Variants in EVL observed in about 807,000 individuals in gnomAD.
EVL encodes the protein Enah/Vasp-like.
In EVL, 21 loss-of-function variants were observed where a neutral mutation model predicts 59.6. The observed-to-expected ratio is 0.35, with a 90% CI of 0.25 to 0.51. EVL has a LOEUF of 0.51. Among genes scored for constraint, EVL ranks in the 20% least tolerant of loss-of-function variants. EVL has a pLI of 0.97. For missense variants in EVL, 462 were observed against 546.6 expected, an observed-to-expected ratio of 0.85 and a Z score of 1.54; for synonymous variants, 198 against 203.5, an observed-to-expected ratio of 0.97 and a Z score of 0.23.
intron 1 of EVL, among the ~76,000 whole-genome samples, chr14:100,081,552 C>T (rs1318329067): frequency 1.4e-5 from 2 of 143,644 alleles, no homozygotes; most frequent in Non-Finnish European, 3.0e-5. Context: ...GCTATAATTA[C>T]AAGAAGAAAA....
Position 100,144,108 on chromosome 14 carries a change from G to C in EVL, c.*370G>C, listed in dbSNP as rs1302544572. The C allele has an allele frequency of 3.1e-6, 1 of 323,884 alleles. No individual in the cohort carries two copies. Among genetic ancestry groups the C allele is most frequent in the African/African-American group, 2.2e-5 (1 of 46,272 alleles). 20.1% of individuals were successfully genotyped at this position (323,884 alleles called of 1,614,324 possible). ...TCAGCTGGCGGTGACAGCCGGCCCA[G>C]CGTGGCGCCACCACACACCGCAGAG... On this transcript the variant is annotated 3_prime_UTR_variant, in exon 14 of 14. Coordinates refer to ENST00000392920, the MANE Select transcript of EVL (RefSeq NM_016337.3).
chr14:100,068,375 T>C (rs568869765), intron 1 of EVL, among the ~76,000 whole-genome samples: 14 of 152,314 alleles, frequency 9.2e-5, no homozygotes, highest in South Asian at 2.1e-4. Flanking sequence ...CGGCAAAGCC[T>C]GCGAGCTGTG....
intron 1 of EVL, among the ~76,000 whole-genome samples, chr14:100,031,059 G>A (rs982452224): frequency 5.9e-5 from 9 of 152,160 alleles, no homozygotes; most frequent in South Asian, 2.1e-4. Context: ...TTGTAGCTAT[G>A]ATGTGATACA....
intron 1 of EVL, chr14:100,019,783 A>C (rs949958054): frequency 3.3e-6 from 4 of 1,218,664 alleles, no homozygotes. Flanking sequence ...GCTGGTTCTC[A>C]CAAAAAAAAC....
intron 5 of EVL, 115 bp downstream of exon 5, chr14:100,126,886 T>A: frequency 1.0e-6 from 1 of 974,460 alleles, no homozygotes; most frequent in South Asian, 1.5e-5. Flanking sequence ...ATGGGGAGCC[T>A]AGGTCTCAAA....
intron 1 of EVL, among the ~76,000 whole-genome samples, chr14:100,053,424 G>A (rs987440811): frequency 1.4e-5 from 2 of 141,716 alleles, no homozygotes; most frequent in Admixed American, 7.4e-5. Flanking sequence ...CTTTATCGTC[G>A]TTTTAAAATT....
intron 1 of EVL, among the ~76,000 whole-genome samples, chr14:100,010,305 G>A (rs1488638824): frequency 6.6e-6 from 1 of 152,212 alleles, no homozygotes; most frequent in Non-Finnish European, 1.5e-5. Flanking sequence ...AGAATTTATG[G>A]TTTGTAGGGC....
chr14:100,063,946 C>T (rs1425104435), upstream of EVL, among the ~76,000 whole-genome samples: 1 of 152,054 alleles, frequency 6.6e-6, no homozygotes, highest in Non-Finnish European at 1.5e-5. Flanking sequence ...TAGGAAAACA[C>T]CAAATATTTC....
chr14:100,009,634 G>A (rs893985521), intron 1 of EVL, among the ~76,000 whole-genome samples: 3 of 152,058 alleles, frequency 2.0e-5, no homozygotes, highest in African/African-American at 7.2e-5. Flanking sequence ...TTTTGACTTC[G>A]TATTGTTGTT....
intron 1 of EVL, among the ~76,000 whole-genome samples, chr14:100,027,494 T>G (rs7148533): frequency 1.3e-5 from 2 of 152,178 alleles, no homozygotes; most frequent in Non-Finnish European, 2.9e-5. Flanking sequence ...TTAGTGAGAA[T>G]ATGTAGTATT....
At chr14:99,981,692 T>A (rs2060807371) in intron 1 of EVL, among the ~76,000 whole-genome samples, 1 of 152,220 alleles carries the variant, frequency 6.6e-6, no homozygotes, top group Non-Finnish European at 1.5e-5. Flanking sequence ...CACTATACCA[T>A]AGTCTGTTAA....
At chr14:99,978,850 T>C (rs1595537621) in intron 1 of EVL, among the ~76,000 whole-genome samples, 1 of 152,228 alleles carries the variant, frequency 6.6e-6, no homozygotes, top group Admixed American at 6.5e-5. Context: ...GTGTTCCTTT[T>C]GGAGCATCTC....
chr14:100,118,674 C>T (rs1038299196), intron 3 of EVL, among the ~76,000 whole-genome samples: 3 of 152,210 alleles, frequency 2.0e-5, no homozygotes, highest in Non-Finnish European at 4.4e-5. Context: ...TGCCCTGAGT[C>T]TGTCAGCTCC....
chr14:100,100,784 CAAA>C (rs60820079), intron 3 of EVL, among the ~76,000 whole-genome samples: 6 of 47,682 alleles, frequency 1.3e-4, no homozygotes, highest in Non-Finnish European at 2.0e-4. Flanking sequence ...GAGTCTGTCT[CAAA>C]AAAAAAAAAA....
At chr14:100,038,756 T>C (rs1347094604) in intron 1 of EVL, among the ~76,000 whole-genome samples, 1 of 107,562 alleles carries the variant, frequency 9.3e-6, no homozygotes, top group Non-Finnish European at 2.3e-5. Flanking sequence ...TAGTACCCTG[T>C]GTGCTGTGCC....
chr14:100,091,477 T>C (rs1445771005), intron 2 of EVL, among the ~76,000 whole-genome samples: 1 of 152,152 alleles, frequency 6.6e-6, no homozygotes, highest in Non-Finnish European at 1.5e-5. Flanking sequence ...AAAGTCTCCA[T>C]AAAAGGACCA....
Position 100,022,210 on chromosome 14 carries a change from G to A in EVL, c.5+50153G>A, listed in dbSNP as rs557745323. Among the ~76,000 whole-genome samples the A allele has an allele frequency of 5.9e-5, 9 of 151,676 alleles. No individual in the cohort carries two copies. The East Asian group carries it at 9.7e-4, about 16-fold the overall frequency. On this transcript the variant is annotated intron_variant, in intron 1 of 13. Coordinates refer to the EVL transcript ENST00000402714. ...TTATCCACACGTGCCTGTAGGCCTC[G>A]TTTGTGGACACGCTCCTCCACACAT...
rs1008622983 is a variant in EVL at position 100,068,890 on chromosome 14, A to T, written c.11+3379A>T. Among the ~76,000 whole-genome samples the T allele has an allele frequency of 2.0e-5, 3 of 152,234 alleles. No homozygotes were observed. The South Asian group carries it at 6.2e-4, about 32-fold the overall frequency. ...GCGGTGCAGCAGCAGGAAACGTGAT[A>T]TGGATGTGTGATATGTCTGCCACTT... is the stretch of plus-strand genomic sequence containing the variant. On this transcript the variant is annotated intron_variant, in intron 1 of 13. Coordinates refer to ENST00000392920, the MANE Select transcript of EVL (RefSeq NM_016337.3).
intron 1 of EVL, among the ~76,000 whole-genome samples, chr14:100,006,993 C>G (rs1249151510): frequency 1.3e-5 from 2 of 152,128 alleles, no homozygotes; most frequent in Middle Eastern, 3.4e-3. Context: ...AGGTTAGGGG[C>G]ACCTTCACTC....
Sources: gnomAD v4.1 joint callset for allele counts (sites outside exome capture counted in the v4.1 genomes callset) on GRCh38, gnomAD v4.1.1 for gene constraint, MANE v1.5 for transcripts, NCBI Gene and HGNC (gene_info 2026-07-23, HGNC 2026-07-21) for gene names.